CHRNA3: variants seen among roughly 807,000 people sequenced by gnomAD.
CHRNA3 encodes neuronal acetylcholine receptor subunit alpha-3.
CHRNA3 carries 34 observed loss-of-function variants against 41.9 expected under a neutral mutation model. The ratio of observed to expected loss-of-function variants is 0.81; its 90% CI spans 0.62 to 1.08. The LOEUF is 1.08. Ranked by LOEUF, CHRNA3 falls within the 50% of genes least tolerant of loss-of-function variation. The pLI is 0.00. For missense variants in CHRNA3, 542 were observed against 638.3 expected (o/e 0.85, Z 1.63); for synonymous variants, 281 against 265.2 (o/e 1.06, Z -0.58).
chr15:78,603,045 G>A (rs560504658), intron 4 of CHRNA3, among the ~76,000 whole-genome samples: 1 of 152,144 alleles, frequency 6.6e-6, no homozygotes, highest in Admixed American at 6.5e-5. Flanking sequence ...TTTTCTTTGA[G>A]ACAGAGTCTC....
At chr15:78,600,442 G>A (rs62010327) in intron 5 of CHRNA3, among the ~76,000 whole-genome samples, 41,259 of 152,046 alleles carry the variant, frequency 0.27, 6,567 homozygotes, top group Non-Finnish European at 0.37. Flanking sequence ...CTTTCTAGGG[G>A]CCCTGGGAGT....
downstream of CHRNA3, chr15:78,593,287 AAC>A (rs1302038695): frequency 3.2e-6 from 5 of 1,558,852 alleles, no homozygotes; most frequent in African/African-American, 2.7e-5. Flanking sequence ...ACATTTAGTT[AAC>A]ACACATATAT....
In CHRNA3 at chr15:78,602,044, CCTT is replaced by C; in HGVS notation, c.595_597del (p.Lys199del). ...GCCCACTCGCCGCTCTCCCAATAGTCCTTGAGGTTCATGGAAGAGCCGATCAGG... is the reference window on the plus strand; with the variant it reads ...GCCCACTCGCCGCTCTCCCAATAGTCGAGGTTCATGGAAGAGCCGATCAGG... On this transcript the variant is annotated inframe_deletion, in exon 5 of 6. Transcript: ENST00000326828. 6.2e-7 allele frequency: 1 copy of C among 1,614,044 alleles called. No homozygotes were observed. Among genetic ancestry groups the C allele is most frequent in the Non-Finnish European group, 8.5e-7 (1 of 1,179,952 alleles).
In CHRNA3 at chr15:78,618,599, T is replaced by C; in HGVS notation, c.267+18A>G. On this transcript the variant is annotated intron_variant, in intron 3 of 5. Coordinates refer to ENST00000326828, the MANE Select transcript of CHRNA3 (RefSeq NM_000743.5). ...GTCACCACCAGGGGGCAGCAGTGCC[T>C]AGGGTCTGGTCACTTACTTGCTTGA... 6.2e-7 allele frequency: 1 copy of C among 1,613,898 alleles called. No individual in the cohort carries two copies. Among genetic ancestry groups the C allele is most frequent in the African/African-American group, 1.3e-5 (1 of 75,036 alleles).
chr15:78,613,733 T>TA (rs1286946889), intron 4 of CHRNA3, among the ~76,000 whole-genome samples: 43 of 100,970 alleles, frequency 4.3e-4, no homozygotes, highest in Non-Finnish European at 8.2e-4. Context: ...TAATAAAATT[T>TA]AAAAAAAAAC....
intron 3 of CHRNA3, 47 bp downstream of exon 3, chr15:78,618,570 A>C: frequency 6.2e-7 from 1 of 1,611,268 alleles, no homozygotes; most frequent in South Asian, 1.1e-5. Flanking sequence ...AAGCAAATAA[A>C]ACAGTCACCA....
intron 1 of CHRNA3, 109 bp downstream of exon 1, chr15:78,620,604 G>A (rs908420637): frequency 1.3e-5 from 18 of 1,399,656 alleles, no homozygotes; most frequent in African/African-American, 3.1e-5. Flanking sequence ...CGGCGACGGC[G>A]CCAGCCCTCT....
At chr15:78,618,346 C>G (rs1437609367) in intron 3 of CHRNA3, 1 of 495,478 alleles carries the variant, frequency 2.0e-6, no homozygotes, top group Non-Finnish European at 3.7e-6. Flanking sequence ...TCGTACTCTT[C>G]TGTTGTGTGA....
At chr15:78,605,771 G>A (rs899827080) in intron 4 of CHRNA3, among the ~76,000 whole-genome samples, 5 of 152,130 alleles carry the variant, frequency 3.3e-5, no homozygotes, top group Non-Finnish European at 7.4e-5. Flanking sequence ...AAGAAGTGGG[G>A]ATGAGAAGAG....
At chr15:78,612,974 C>T (rs2053403701) in intron 4 of CHRNA3, among the ~76,000 whole-genome samples, 1 of 152,126 alleles carries the variant, frequency 6.6e-6, no homozygotes, top group Non-Finnish European at 1.5e-5. Flanking sequence ...AAAAAATGCT[C>T]ATCGTCACTG....
chr15:78,607,542 A>AGGAGATTGAGACCATCCTGGCTAAC (rs2053310514), intron 4 of CHRNA3: 1 of 141,558 alleles, frequency 7.1e-6, no homozygotes, highest in African/African-American at 3.1e-5. Context: ...TCCTGGCTAA[A>AGGAGATTGAGACCATCCTGGCTAAC]ACGGTGAAAC....
At chr15:78,611,270 A>T (rs1175126419) in intron 4 of CHRNA3, among the ~76,000 whole-genome samples, 1 of 152,184 alleles carries the variant, frequency 6.6e-6, no homozygotes, top group Non-Finnish European at 1.5e-5. Flanking sequence ...ACAACCAAAA[A>T]AGAGAATTTT....
intron 5 of CHRNA3, among the ~76,000 whole-genome samples, chr15:78,599,345 G>C (rs1476616575): frequency 6.6e-6 from 1 of 152,070 alleles, no homozygotes; most frequent in African/African-American, 2.4e-5. Flanking sequence ...ACAGATGTTA[G>C]GCAAAGTGGT....
intron 5 of CHRNA3, among the ~76,000 whole-genome samples, chr15:78,598,279 C>G (rs972507097): frequency 6.6e-6 from 1 of 152,092 alleles, no homozygotes; most frequent in African/African-American, 2.4e-5. Flanking sequence ...CCTAGTGATA[C>G]TAATGTTGAT....
intron 3 of CHRNA3, among the ~76,000 whole-genome samples, chr15:78,617,613 TGTCTGGGTCCAGAGGCTGGGAG>T (rs1461828042): frequency 3.9e-5 from 6 of 152,024 alleles, no homozygotes; most frequent in African/African-American, 1.5e-4. Context: ...GCCCAGGAAG[TGTCTGGGTCCAGAGGCTGGGAG>T]GTCTGAGTCC....
rs1286688448 is a variant in CHRNA3, at chr15:78,602,701, ATGTG to A, written c.378-441_378-438del. ...TCATTCAGTCTGTACCGGGCGCCTA[ATGTG>A]TGTGTGAAACCAGACTATGGATGTG... On this transcript the variant is annotated intron_variant, in intron 4 of 5. Coordinates refer to ENST00000326828, the MANE Select transcript of CHRNA3 (RefSeq NM_000743.5). Among the ~76,000 whole-genome samples the A allele has an allele frequency of 2.0e-5, 3 of 152,106 alleles. 1 individual carries two copies. Among genetic ancestry groups the A allele is most frequent in the Admixed American group, 2.0e-4 (3 of 15,278 alleles).
downstream of CHRNA3, chr15:78,595,220 T>C (rs1422120347): frequency 2.2e-6 from 2 of 896,590 alleles, no homozygotes; most frequent in Non-Finnish European, 2.7e-6. Flanking sequence ...ATCCCTCTTA[T>C]ACTACCATTA....
intron 1 of CHRNA3, chr15:78,619,284 C>T (rs2053513501): frequency 1.1e-5 from 3 of 263,504 alleles, no homozygotes; most frequent in African/African-American, 2.2e-5. Context: ...TAAACGTATC[C>T]ACCTCAAAGG....
intron 4 of CHRNA3, among the ~76,000 whole-genome samples, chr15:78,616,173 C>CT (rs1465883820): frequency 6.6e-6 from 1 of 151,574 alleles, no homozygotes; most frequent in African/African-American, 2.4e-5. Context: ...GCCAACATGG[C>CT]AAAACCCCAT....
Sources: allele counts gnomAD v4.1 joint callset (sites outside exome capture counted in the v4.1 genomes callset), GRCh38; gene constraint gnomAD v4.1.1; transcripts MANE v1.5; gene names NCBI Gene and HGNC (gene_info 2026-07-23, HGNC 2026-07-21).